Variants in WDFY3 observed in about 807,000 individuals in gnomAD.
WDFY3 encodes WD repeat and FYVE domain containing 3, also known as WD repeat and FYVE domain-containing protein 3.
In WDFY3, 66 loss-of-function variants were observed where a neutral mutation model predicts 409.6. The ratio of observed to expected loss-of-function variants is 0.16; its 90% CI spans 0.13 to 0.20. WDFY3 has a LOEUF of 0.20. Among genes scored for constraint, WDFY3 ranks in the 10% least tolerant of loss-of-function variants. The pLI, the probability that WDFY3 is intolerant of heterozygous loss-of-function variation, is 1.00. For missense variants in WDFY3, 3,031 were observed against 4,298.1 expected (o/e 0.71, Z 8.24); for synonymous variants, 1,521 against 1,537.1 (o/e 0.99, Z 0.25).
intron 2 of WDFY3, among the ~76,000 whole-genome samples, chr4:84,912,129 T>C (rs957345206): frequency 6.6e-6 from 1 of 152,166 alleles, no homozygotes; most frequent in Admixed American, 6.5e-5. Flanking sequence ...TAGCTCAATA[T>C]CATAAACCTT....
rs199814800 is a variant in WDFY3, at chr4:84,673,787, AT to A, written c.10458-797del. On this transcript the variant is annotated intron_variant, in intron 67 of 67. Transcript: ENST00000295888. ...GATTGAAATGGAAATGAAAAAAAAA[AT>A]TTTTTTTTGGTAGGGATGGGGTCTC... Among the ~76,000 whole-genome samples the A allele has an allele frequency of 1.5e-3, 233 of 151,584 alleles. 1 individual carries two copies. Among genetic ancestry groups the A allele is most frequent in the African/African-American group, 5.3e-3 (218 of 41,314 alleles).
chr4:84,962,293 ATGT>A (rs1775013594), intron 1 of WDFY3, among the ~76,000 whole-genome samples: 1 of 152,036 alleles, frequency 6.6e-6, no homozygotes, highest in East Asian at 1.9e-4. Context: ...TCTGAAGAGT[ATGT>A]TGTTAAGACA....
chr4:84,794,881 G>A lies in WDFY3; in HGVS notation c.3266C>T (p.Ser1089Phe). ...AGCAGAAAGCAAATATTACTTACCA[G>A]AACCAATGCCACTGACCACAGCCCC... ...IDGAVVSGIG[S>F]GERFFPPPSG... The change falls in exon 20 of 68, where the codon TCT becomes TTT. Residue 1089 changes from serine (S) to phenylalanine (F), a missense_variant and splice_region_variant. This residue lies in a region of WDFY3 where 1,322 missense variants were observed against 1,697.9 expected (regional missense o/e 0.78). Transcript: ENST00000295888. 1 of 1,563,522 alleles carries A rather than the reference G, an allele frequency of 6.4e-7. No individual in the cohort carries two copies. Among genetic ancestry groups the A allele is most frequent in the Non-Finnish European group, 8.6e-7 (1 of 1,163,162 alleles).
chr4:84,801,422 T>C (rs1750542307), intron 17 of WDFY3, among the ~76,000 whole-genome samples: 1 of 152,230 alleles, frequency 6.6e-6, no homozygotes, highest in Non-Finnish European at 1.5e-5. Context: ...GAGAGCTTGC[T>C]AGATTCAAAT....
intron 22 of WDFY3, among the ~76,000 whole-genome samples, 160 bp downstream of exon 22, chr4:84,789,566 A>G (rs561404216): frequency 3.8e-4 from 58 of 152,198 alleles, no homozygotes; most frequent in African/African-American, 1.3e-3. Context: ...TGAGTCTAAC[A>G]TATTATTCAA....
At chr4:84,750,866 G>A (rs1368833400) in intron 36 of WDFY3, among the ~76,000 whole-genome samples, 1 of 152,198 alleles carries the variant, frequency 6.6e-6, no homozygotes, top group Non-Finnish European at 1.5e-5. Flanking sequence ...GCTGCCTTGG[G>A]GAATTTAACA....
At chr4:84,893,571 G>A (rs1765211174) in intron 3 of WDFY3, among the ~76,000 whole-genome samples, 1 of 152,154 alleles carries the variant, frequency 6.6e-6, no homozygotes, top group Non-Finnish European at 1.5e-5. Context: ...TAAATTTAGA[G>A]TAGGTACACC....
intron 2 of WDFY3, among the ~76,000 whole-genome samples, chr4:84,904,161 A>G (rs1766701972): frequency 6.6e-6 from 1 of 152,216 alleles, no homozygotes; most frequent in African/African-American, 2.4e-5. Context: ...GGCCCTCACC[A>G]GACACTGAAT....
At chr4:84,890,638 T>C (rs891712477) in intron 3 of WDFY3, among the ~76,000 whole-genome samples, 8 of 152,174 alleles carry the variant, frequency 5.3e-5, no homozygotes, top group Admixed American at 3.9e-4. Context: ...GAACTGTGTG[T>C]TCTAGAGCCG....
In WDFY3 at chr4:84,854,922, C is replaced by T. The variant is rs773138327; in HGVS notation, c.181-4897G>A. Among the ~76,000 whole-genome samples, 12 of 151,844 alleles carry T rather than the reference C, an allele frequency of 7.9e-5. No homozygotes were observed. The East Asian group carries it at 2.3e-3, about 29-fold the overall frequency. On this transcript the variant is annotated intron_variant, in intron 4 of 67. Coordinates refer to ENST00000295888, the MANE Select transcript of WDFY3 (RefSeq NM_014991.6). Reference sequence around the variant, plus strand: ...GCCAGACTTGGTCTCAAACAAACAACGACAAAAAATTTCTGGTTCTGCAGA... The same window carrying T: ...GCCAGACTTGGTCTCAAACAAACAATGACAAAAAATTTCTGGTTCTGCAGA...
chr4:84,685,230 G>A (rs901602166), intron 62 of WDFY3, among the ~76,000 whole-genome samples: 45 of 152,176 alleles, frequency 3.0e-4, no homozygotes, highest in African/African-American at 1.1e-3. Flanking sequence ...ACTAGAAGCT[G>A]CAAAGCAGCA....
At chr4:84,768,265 G>A (rs561547236) in intron 30 of WDFY3, among the ~76,000 whole-genome samples, 3 of 152,314 alleles carry the variant, frequency 2.0e-5, no homozygotes, top group Admixed American at 1.3e-4. Flanking sequence ...AAGTGACTAC[G>A]CTAAACAACG....
At position 84,779,942 on chromosome 4, in the gene WDFY3, T is replaced by C. The variant is rs541718223; in HGVS notation, c.4365+166A>G. 3.3e-5 allele frequency among the ~76,000 whole-genome samples: 5 copies of C among 152,314 alleles called. No individual in the cohort carries two copies. In the South Asian group the frequency reaches 8.3e-4, roughly 25 times the overall value. On this transcript the variant is annotated intron_variant, in intron 26 of 67. Transcript: ENST00000295888. ...AGGATAAAGCAAAATAAAGAAACAATACATACTTTCATTTGACATATATTA... is the reference window on the plus strand; with the variant it reads ...AGGATAAAGCAAAATAAAGAAACAACACATACTTTCATTTGACATATATTA...
intron 12 of WDFY3, among the ~76,000 whole-genome samples, chr4:84,818,580 T>C (rs1269271987): frequency 6.6e-6 from 1 of 152,118 alleles, no homozygotes; most frequent in African/African-American, 2.4e-5. Context: ...AATTATAAGA[T>C]CATGAAGTCA....
At chr4:84,732,255 A>T (rs998947826) in intron 44 of WDFY3, among the ~76,000 whole-genome samples, 1 of 152,214 alleles carries the variant, frequency 6.6e-6, no homozygotes, top group African/African-American at 2.4e-5. Flanking sequence ...TTATTATTTT[A>T]AAAATGTTAC....
intron 1 of WDFY3, among the ~76,000 whole-genome samples, chr4:84,950,106 G>A (rs1773412957): frequency 6.6e-6 from 1 of 152,174 alleles, no homozygotes; most frequent in South Asian, 2.1e-4. Context: ...CAGGGACATG[G>A]ATGAAGCTGG....
At chr4:84,935,032 G>A (rs1020441657) in intron 1 of WDFY3, among the ~76,000 whole-genome samples, 17 of 152,018 alleles carry the variant, frequency 1.1e-4, no homozygotes, top group African/African-American at 2.7e-4. Context: ...CTCACCCAAC[G>A]TTGTTGCATA....
chr4:84,919,547 A>G (rs1300500001), intron 2 of WDFY3, among the ~76,000 whole-genome samples: 1 of 152,094 alleles, frequency 6.6e-6, no homozygotes, highest in African/African-American at 2.4e-5. Flanking sequence ...CATAATCCCC[A>G]CATGTCATGG....
chr4:84,867,115 T>C (rs149108301), intron 3 of WDFY3, among the ~76,000 whole-genome samples: 195 of 152,328 alleles, frequency 1.3e-3, no homozygotes, highest in African/African-American at 4.3e-3. Context: ...TTAAATAACA[T>C]CATTTCTGTA....
Sources: gnomAD v4.1 joint callset for allele counts (sites outside exome capture counted in the v4.1 genomes callset) on GRCh38, gnomAD v4.1.1 for gene constraint, gnomAD v4.1.1 regional missense constraint, MANE v1.5 for transcripts, NCBI Gene and HGNC (gene_info 2026-07-23, HGNC 2026-07-21) for gene names.